The following NFIA variants were observed in gnomAD, a reference collection of about 807,000 sequenced individuals.
NFIA encodes the protein nuclear factor 1 A-type.
NFIA carries 8 observed loss-of-function variants against 62.8 expected under a neutral mutation model. The ratio of observed to expected loss-of-function variants is 0.13; its 90% CI spans 0.07 to 0.23. NFIA has a LOEUF of 0.23. NFIA is among the 10% of genes least tolerant of loss of function. The probability of loss-of-function intolerance (pLI) is 1.00; values close to 1 mark genes in which losing one functional copy is unlikely to be tolerated. For synonymous variants in NFIA, 235 were observed against 238.1 expected, an observed-to-expected ratio of 0.99 and a Z score of 0.12; for missense variants, 410 against 642.1, an observed-to-expected ratio of 0.64 and a Z score of 3.91.
chr1:61,393,553 C>G (rs1665118481), intron 7 of NFIA, among the ~76,000 whole-genome samples: 1 of 151,900 alleles, frequency 6.6e-6, no homozygotes, highest in African/African-American at 2.4e-5. Flanking sequence ...GGGTCATTTG[C>G]TCACTTTTAA....
chr1:61,345,455 A>G (rs946556599), intron 4 of NFIA, among the ~76,000 whole-genome samples: 9 of 152,174 alleles, frequency 5.9e-5, no homozygotes, highest in African/African-American at 2.2e-4. Flanking sequence ...TGGGAGAGTT[A>G]TTTAACCTCT....
intron 2 of NFIA, among the ~76,000 whole-genome samples, chr1:61,267,570 C>G (rs1347276557): frequency 1.3e-5 from 2 of 152,134 alleles, no homozygotes; most frequent in Non-Finnish European, 2.9e-5. Context: ...GCAGTAATAG[C>G]TTAATATTTC....
At chr1:61,187,178 T>G (rs758942256) in intron 2 of NFIA, among the ~76,000 whole-genome samples, 8 of 152,192 alleles carry the variant, frequency 5.3e-5, no homozygotes, top group Non-Finnish European at 1.2e-4. Flanking sequence ...ATGGTAAGCA[T>G]TTAACAAATG....
At position 61,457,742 on chromosome 1, in the gene NFIA, C is replaced by T. The variant is rs1668368701; in HGVS notation, c.*2422C>T. 1 of 151,606 alleles carries T rather than the reference C, an allele frequency of 6.6e-6. No homozygotes were observed. The highest frequency in any genetic ancestry group is 2.1e-4 in the South Asian group (1 of 4,806). The allele number at this position is 151,606 out of a possible 1,614,324, so 9.4% of individuals were successfully genotyped here. On this transcript the variant is annotated 3_prime_UTR_variant, in exon 11 of 11. Coordinates refer to ENST00000403491, the MANE Select transcript of NFIA (RefSeq NM_001134673.4). This position sits in a 1 kb window ranked among gnomAD's most constrained non-coding sequence, Gnocchi z 4.2. Reference sequence around the variant, plus strand: ...TGAATGCACGTGCGCAGGAAGGGCTCCTCTTAGAGAAGCAGTCAAACTGTG... The same window carrying T: ...TGAATGCACGTGCGCAGGAAGGGCTTCTCTTAGAGAAGCAGTCAAACTGTG...
intron 10 of NFIA, among the ~76,000 whole-genome samples, chr1:61,438,345 C>A (rs549805898): frequency 6.6e-6 from 1 of 152,264 alleles, no homozygotes; most frequent in South Asian, 2.1e-4. Flanking sequence ...GCCTTTTCAG[C>A]CCTCAGGAGG....
chr1:61,134,895 A>T (rs981883155), intron 2 of NFIA, among the ~76,000 whole-genome samples: 1 of 152,260 alleles, frequency 6.6e-6, no homozygotes, highest in Admixed American at 6.5e-5. Flanking sequence ...TGTAATAATA[A>T]TATGTCCCAG....
At chr1:61,142,391 T>G (rs1298322605) in intron 2 of NFIA, among the ~76,000 whole-genome samples, 1 of 152,158 alleles carries the variant, frequency 6.6e-6, no homozygotes, top group African/African-American at 2.4e-5. Flanking sequence ...ATACTGTATG[T>G]TATTTTTGCT....
intron 2 of NFIA, among the ~76,000 whole-genome samples, chr1:61,230,739 C>T (rs1654624211): frequency 6.6e-6 from 1 of 152,200 alleles, no homozygotes; most frequent in Non-Finnish European, 1.5e-5. Flanking sequence ...CACACTTGGG[C>T]ACACCCTGCT....
chr1:61,300,455 T>C (rs1439169239), intron 3 of NFIA, among the ~76,000 whole-genome samples: 3 of 152,130 alleles, frequency 2.0e-5, no homozygotes, highest in Non-Finnish European at 4.4e-5. Context: ...ACTTATATTA[T>C]ACAAAAATGT....
intron 6 of NFIA, among the ~76,000 whole-genome samples, chr1:61,381,798 A>T (rs1484350110): frequency 6.6e-6 from 1 of 152,174 alleles, no homozygotes; most frequent in East Asian, 1.9e-4. Flanking sequence ...CTGTCCTTAT[A>T]CAGTCTGAGT....
intron 3 of NFIA, among the ~76,000 whole-genome samples, chr1:61,325,968 T>C (rs1028342502): frequency 4.7e-5 from 7 of 147,914 alleles, no homozygotes; most frequent in Admixed American, 3.4e-4. Flanking sequence ...TGCCAAAGAA[T>C]TATACTCTTT....
At chr1:61,366,701 T>C (rs1663609240) in intron 6 of NFIA, among the ~76,000 whole-genome samples, 1 of 152,152 alleles carries the variant, frequency 6.6e-6, no homozygotes, top group Non-Finnish European at 1.5e-5. Flanking sequence ...GGTGGGCAGA[T>C]CACTTGAGGT....
At chr1:61,219,231 CA>C (rs36000081) in intron 2 of NFIA, among the ~76,000 whole-genome samples, 10,185 of 135,128 alleles carry the variant, frequency 0.075, 446 homozygotes, top group East Asian at 0.21. Context: ...AACTCAGTCT[CA>C]AAAAAAAAAA....
At chr1:61,306,269 C>T (rs373393409) in intron 3 of NFIA, among the ~76,000 whole-genome samples, 69 of 60,600 alleles carry the variant, frequency 1.1e-3, no homozygotes, top group South Asian at 4.6e-3. Context: ...AGATTTTGTT[C>T]TTTTTTTTTT....
At chr1:61,134,215 C>G (rs1347044284) in intron 2 of NFIA, among the ~76,000 whole-genome samples, 1 of 150,564 alleles carries the variant, frequency 6.6e-6, no homozygotes, top group Non-Finnish European at 1.5e-5. Context: ...GCTTTGGAAA[C>G]TACAGGGTGC....
chr1:61,440,222 A>C lies in NFIA; in HGVS notation c.1512+13666A>C, dbSNP rs911007145. The stretch of plus-strand genomic sequence containing the variant: ...CATGGGGCAGAAGTTAATATTTCAA[A>C]AACCATTTCTACCACTGGCAGTCAA... On this transcript the variant is annotated intron_variant, in intron 10 of 10. Coordinates refer to ENST00000403491, the MANE Select transcript of NFIA (RefSeq NM_001134673.4). Among the ~76,000 whole-genome samples the C allele has an allele frequency of 2.2e-4, 34 of 152,214 alleles. 1 individual carries two copies. Among genetic ancestry groups the C allele is most frequent in the African/African-American group, 7.2e-4 (30 of 41,452 alleles).
intron 2 of NFIA, among the ~76,000 whole-genome samples, chr1:61,110,825 G>C (rs1291191833): frequency 6.6e-6 from 1 of 152,022 alleles, no homozygotes; most frequent in Non-Finnish European, 1.5e-5. Flanking sequence ...TTCCTGCCAA[G>C]ATTAAAATTG....
At chr1:61,193,121 G>T (rs1651757172) in intron 2 of NFIA, among the ~76,000 whole-genome samples, 1 of 152,174 alleles carries the variant, frequency 6.6e-6, no homozygotes, top group Non-Finnish European at 1.5e-5. Context: ...GGAAAACATG[G>T]CTATTATCAT....
At chr1:61,239,675 A>G (rs775468296) in intron 2 of NFIA, among the ~76,000 whole-genome samples, 43 of 152,154 alleles carry the variant, frequency 2.8e-4, no homozygotes, top group Non-Finnish European at 5.3e-4. Context: ...TTGAAACAGC[A>G]TCTTATAGAG....
Sources: gnomAD v4.1 joint callset for allele counts (sites outside exome capture counted in the v4.1 genomes callset) on GRCh38, gnomAD v4.1.1 for gene constraint, Gnocchi (gnomAD v3.1) non-coding constraint, MANE v1.5 for transcripts, NCBI Gene and HGNC (gene_info 2026-07-23, HGNC 2026-07-21) for gene names.